The following NELL1 variants were observed in gnomAD, a reference collection of about 807,000 sequenced individuals.
NELL1 encodes protein kinase C-binding protein NELL1.
Under a neutral mutation model 107.4 loss-of-function variants are expected in NELL1, and 76 were observed. The ratio of observed to expected loss-of-function variants is 0.71; its 90% confidence interval spans 0.59 to 0.86. The LOEUF (loss-of-function observed/expected upper bound fraction) is 0.86. NELL1 is among the 40% of genes least tolerant of loss of function. NELL1 has a pLI of 0.00. For synonymous variants in NELL1, 353 were observed against 341.2 expected (o/e 1.03, Z -0.38); for missense variants, 1,024 against 1,005.5 (o/e 1.02, Z -0.25).
intron 13 of NELL1, among the ~76,000 whole-genome samples, chr11:21,166,981 G>A (rs79624401): frequency 0.026 from 3,877 of 151,896 alleles, 191 homozygotes; most frequent in South Asian, 0.11. Flanking sequence ...ACCCTACACT[G>A]TATATTTATT....
intron 12 of NELL1, among the ~76,000 whole-genome samples, chr11:21,010,713 A>G (rs553515783): frequency 3.2e-4 from 49 of 152,204 alleles, no homozygotes; most frequent in African/African-American, 1.2e-3. Flanking sequence ...GCTCTTTTGA[A>G]AAGTGAGGTG....
At chr11:21,042,895 A>G (rs954443724) in intron 12 of NELL1, among the ~76,000 whole-genome samples, 61 of 152,224 alleles carry the variant, frequency 4.0e-4, no homozygotes, top group African/African-American at 1.5e-3. Flanking sequence ...ATTTCATTTC[A>G]TTTGAAATGC....
chr11:21,125,615 A>G (rs1044288769), intron 13 of NELL1, among the ~76,000 whole-genome samples: 3 of 152,232 alleles, frequency 2.0e-5, no homozygotes, highest in Non-Finnish European at 2.9e-5. Flanking sequence ...AGTTACAGGC[A>G]TTAAATGCTA....
intron 15 of NELL1, among the ~76,000 whole-genome samples, chr11:21,468,026 TA>T (rs1854075488): frequency 1.3e-5 from 2 of 152,088 alleles, no homozygotes; most frequent in South Asian, 4.1e-4. Flanking sequence ...ATAAAATGAC[TA>T]ACAATGGAAA....
chr11:21,270,447 A>G (rs1848717392), intron 14 of NELL1, among the ~76,000 whole-genome samples: 2 of 152,134 alleles, frequency 1.3e-5, no homozygotes, highest in Admixed American at 6.5e-5. Flanking sequence ...TGGGCATTAC[A>G]TAATTTTAAA....
At chr11:21,328,011 A>G (rs1466142322) in intron 14 of NELL1, among the ~76,000 whole-genome samples, 3 of 152,206 alleles carry the variant, frequency 2.0e-5, no homozygotes, top group African/African-American at 4.8e-5. Flanking sequence ...GATGTGTTAG[A>G]AAAGAAAACC....
intron 14 of NELL1, among the ~76,000 whole-genome samples, chr11:21,289,109 G>C (rs893231292): frequency 3.9e-5 from 6 of 152,156 alleles, no homozygotes; most frequent in Non-Finnish European, 8.8e-5. Context: ...CTCTTGATGA[G>C]AGAATGACAG....
At chr11:20,727,979 C>G (rs1855546471) in intron 2 of NELL1, among the ~76,000 whole-genome samples, 1 of 152,094 alleles carries the variant, frequency 6.6e-6, no homozygotes, top group Admixed American at 6.6e-5. Context: ...TGTTTTTTGG[C>G]TGTTTAATAA....
intron 3 of NELL1, among the ~76,000 whole-genome samples, chr11:20,825,643 G>C (rs2134029950): frequency 6.6e-6 from 1 of 151,458 alleles, no homozygotes; most frequent in South Asian, 2.1e-4. Context: ...GCCAATACCT[G>C]TACCTCCATT....
chr11:21,469,322 C>T (rs73469106), intron 15 of NELL1, among the ~76,000 whole-genome samples: 14,101 of 151,830 alleles, frequency 0.093, 1,077 homozygotes, highest in African/African-American at 0.21. Context: ...TTTGTATGAG[C>T]CCTAGAAGTG....
In NELL1 at chr11:21,326,937, C is replaced by T. The variant is rs548281974; in HGVS notation, c.1550-43916C>T. Among the ~76,000 whole-genome samples the T allele has an allele frequency of 2.6e-5, 4 of 151,774 alleles. No homozygotes were observed. In the East Asian group the frequency reaches 7.8e-4, roughly 30 times the overall value. On this transcript the variant is annotated intron_variant, in intron 14 of 19. Coordinates refer to ENST00000357134, the MANE Select transcript of NELL1 (RefSeq NM_006157.5). ...ACTTTTTGTTTTCTACGTCTTGTGT[C>T]CTTTTGTTTTTAAATGAGTTTCATT...
At chr11:20,728,188 A>G (rs1855552147) in intron 2 of NELL1, among the ~76,000 whole-genome samples, 1 of 151,908 alleles carries the variant, frequency 6.6e-6, no homozygotes, top group Non-Finnish European at 1.5e-5. Context: ...TTAAGTTCCT[A>G]ATAGATTCTG....
intron 14 of NELL1, among the ~76,000 whole-genome samples, chr11:21,352,190 C>T (rs1360394456): frequency 1.3e-5 from 2 of 152,116 alleles, no homozygotes; most frequent in African/African-American, 2.4e-5. Context: ...TAAATAGTAA[C>T]CCCTCTACCA....
intron 12 of NELL1, among the ~76,000 whole-genome samples, 164 bp downstream of exon 12, chr11:20,960,724 A>G (rs925151566): frequency 6.6e-6 from 1 of 152,224 alleles, no homozygotes; most frequent in Non-Finnish European, 1.5e-5. Context: ...TGGTTTATCC[A>G]TGCTGCTCAG....
chr11:20,977,354 T>C (rs913254600), intron 12 of NELL1, among the ~76,000 whole-genome samples: 1 of 150,498 alleles, frequency 6.6e-6, no homozygotes, highest in Non-Finnish European at 1.5e-5. Flanking sequence ...AAGCTCCGCC[T>C]CTCGGGTTCA....
chr11:21,328,122 G>T (rs186104826), intron 14 of NELL1, among the ~76,000 whole-genome samples: 3 of 152,174 alleles, frequency 2.0e-5, no homozygotes, highest in Admixed American at 6.5e-5. Context: ...GTCTCCAGGG[G>T]TTATCAGAGA....
At chr11:21,191,548 T>C (rs1353975645) in intron 13 of NELL1, among the ~76,000 whole-genome samples, 1 of 151,918 alleles carries the variant, frequency 6.6e-6, no homozygotes, top group Non-Finnish European at 1.5e-5. Flanking sequence ...AAGGCACTAT[T>C]TTTGGTAATT....
intron 2 of NELL1, among the ~76,000 whole-genome samples, chr11:20,689,554 C>A (rs866377276): frequency 6.7e-6 from 1 of 148,404 alleles, no homozygotes; most frequent in African/African-American, 2.5e-5. Flanking sequence ...TTTGTCCTTG[C>A]GATAGTTTAC....
intron 2 of NELL1, chr11:20,773,710 C>A (rs141135178): frequency 0.014 from 2,155 of 152,172 alleles, 21 homozygotes; most frequent in Admixed American, 0.022. Flanking sequence ...GTTGGCCAGG[C>A]TGGTCTTGAA....
Sources: gnomAD v4.1 joint callset for allele counts (sites outside exome capture counted in the v4.1 genomes callset) on GRCh38, gnomAD v4.1.1 for gene constraint, MANE v1.5 for transcripts, NCBI Gene and HGNC (gene_info 2026-07-23, HGNC 2026-07-21) for gene names.